PARD3: variants seen among roughly 807,000 people sequenced by gnomAD.
PARD3 encodes partitioning defective 3 homolog.
PARD3 carries 75 observed loss-of-function variants against 155.4 expected under a neutral mutation model. That is an observed-to-expected ratio of 0.48 (90% CI 0.40 to 0.58). The LOEUF (loss-of-function observed/expected upper bound fraction) is 0.58. PARD3 is among the 20% of genes least tolerant of loss of function. The probability of loss-of-function intolerance (pLI) is 0.00; values close to 1 mark genes in which losing one functional copy is unlikely to be tolerated. For missense variants in PARD3, 1,642 were observed against 1,721.7 expected (o/e 0.95, Z 0.82); for synonymous variants, 576 against 610.5 (o/e 0.94, Z 0.83).
intron 20 of PARD3, among the ~76,000 whole-genome samples, chr10:34,291,349 T>C (rs972700759): frequency 1.2e-4 from 19 of 152,242 alleles, no homozygotes; most frequent in African/African-American, 4.1e-4. Flanking sequence ...TCTTAATTGG[T>C]CTGAACTTGG....
chr10:34,196,244 A>T (rs960141536), intron 22 of PARD3, among the ~76,000 whole-genome samples: 1 of 152,198 alleles, frequency 6.6e-6, no homozygotes, highest in Non-Finnish European at 1.5e-5. Context: ...CAATGACCAC[A>T]TCTCCACTTT....
intron 2 of PARD3, among the ~76,000 whole-genome samples, chr10:34,604,521 A>G (rs2090059391): frequency 6.6e-6 from 1 of 151,236 alleles, no homozygotes; most frequent in African/African-American, 2.4e-5. Context: ...ATGGCCTATT[A>G]TGGGACTTTG....
intron 20 of PARD3, among the ~76,000 whole-genome samples, chr10:34,301,204 T>C (rs1202272275): frequency 3.3e-5 from 5 of 152,124 alleles, no homozygotes; most frequent in Admixed American, 6.5e-5. Context: ...CTGCATCATA[T>C]AGAAATATTC....
At chr10:34,207,813 A>G (rs2133379230) in intron 22 of PARD3, among the ~76,000 whole-genome samples, 1 of 152,250 alleles carries the variant, frequency 6.6e-6, no homozygotes, top group East Asian at 1.9e-4. Context: ...AGGTGACACA[A>G]TTTTCTTTAG....
intron 1 of PARD3, among the ~76,000 whole-genome samples, chr10:34,771,809 C>G (rs943012940): frequency 1.3e-5 from 2 of 152,172 alleles, no homozygotes; most frequent in Non-Finnish European, 2.9e-5. Context: ...AGGAGTTTTT[C>G]AACAGAGTGA....
chr10:34,525,237 T>C (rs1371701851), intron 2 of PARD3, among the ~76,000 whole-genome samples: 1 of 152,202 alleles, frequency 6.6e-6, no homozygotes, highest in Non-Finnish European at 1.5e-5. Flanking sequence ...ATGTTATGCA[T>C]GTGAGATTAA....
intron 22 of PARD3, among the ~76,000 whole-genome samples, chr10:34,172,348 T>A (rs916806326): frequency 5.3e-5 from 8 of 152,172 alleles, no homozygotes; most frequent in African/African-American, 1.9e-4. Context: ...AACTTCATTC[T>A]ACTAAATAAT....
intron 3 of PARD3, among the ~76,000 whole-genome samples, chr10:34,481,893 T>C (rs1361942697): frequency 2.0e-5 from 3 of 151,874 alleles, no homozygotes; most frequent in African/African-American, 4.8e-5. Flanking sequence ...AGTAGAGTGG[T>C]ACAATCATAG....
chr10:34,805,302 AG>A (rs1251990922), intron 1 of PARD3, among the ~76,000 whole-genome samples: 1 of 152,154 alleles, frequency 6.6e-6, no homozygotes, highest in Non-Finnish European at 1.5e-5. Context: ...GGTTGCAGTG[AG>A]CCGAGACTCT....
chr10:34,608,596 C>G (rs199737597), intron 2 of PARD3, among the ~76,000 whole-genome samples: 2 of 147,716 alleles, frequency 1.4e-5, no homozygotes, highest in Non-Finnish European at 3.0e-5. Context: ...GTGCAATGGC[C>G]CGATCTTGGC....
chr10:34,681,867 C>T (rs2093849008), intron 2 of PARD3, among the ~76,000 whole-genome samples: 1 of 140,562 alleles, frequency 7.1e-6, no homozygotes, highest in African/African-American at 2.6e-5. Context: ...GCAGACCTCC[C>T]ACTTTGGCCT....
At chr10:34,295,372 T>C (rs1956860538) in intron 20 of PARD3, among the ~76,000 whole-genome samples, 1 of 150,968 alleles carries the variant, frequency 6.6e-6, no homozygotes, top group Admixed American at 6.6e-5. Context: ...AGCGTCCAAA[T>C]ATACAACTTG....
intron 20 of PARD3, among the ~76,000 whole-genome samples, chr10:34,288,109 G>T (rs560746495): frequency 1.2e-3 from 186 of 152,246 alleles, no homozygotes; most frequent in Non-Finnish European, 1.8e-3. Context: ...TACTCAAGGG[G>T]CTGAGGTGTA....
intron 19 of PARD3, among the ~76,000 whole-genome samples, chr10:34,322,261 A>G (rs1047138039): frequency 1.3e-5 from 2 of 152,210 alleles, no homozygotes; most frequent in Non-Finnish European, 2.9e-5. Flanking sequence ...TCTGAGCCCT[A>G]AAATTACCCT....
chr10:34,387,434 A>G (rs145715160), intron 7 of PARD3, among the ~76,000 whole-genome samples: 3 of 152,176 alleles, frequency 2.0e-5, no homozygotes, highest in Non-Finnish European at 4.4e-5. Context: ...TTTTTTTGAG[A>G]CAGAATCTTG....
chr10:34,506,619 A>C (rs138109981), intron 3 of PARD3, among the ~76,000 whole-genome samples: 1 of 152,292 alleles, frequency 6.6e-6, no homozygotes, highest in African/African-American at 2.4e-5. Context: ...AAGTCCACAG[A>C]TGAAATGTTT....
intron 19 of PARD3, among the ~76,000 whole-genome samples, chr10:34,324,938 C>T (rs1433230668): frequency 6.6e-6 from 1 of 152,154 alleles, no homozygotes; most frequent in Non-Finnish European, 1.5e-5. Flanking sequence ...CAATAAGCCA[C>T]CCTCTACCCC....
chr10:34,466,458 T>C (rs1056173885), intron 4 of PARD3, among the ~76,000 whole-genome samples: 7 of 152,204 alleles, frequency 4.6e-5, no homozygotes, highest in Non-Finnish European at 1.0e-4. Context: ...AACAAGATTT[T>C]AATTGATTGG....
intron 20 of PARD3, among the ~76,000 whole-genome samples, chr10:34,301,864 C>G (rs1957169825): frequency 6.7e-6 from 1 of 148,480 alleles, no homozygotes; most frequent in African/African-American, 2.5e-5. Context: ...AAGCAAGTCC[C>G]CTAGAGTCTA....
Sources: gnomAD v4.1 joint callset for allele counts (sites outside exome capture counted in the v4.1 genomes callset) on GRCh38, gnomAD v4.1.1 for gene constraint, MANE v1.5 for transcripts, NCBI Gene and HGNC (gene_info 2026-07-23, HGNC 2026-07-21) for gene names.